NCOA7: variants seen among roughly 807,000 people sequenced by gnomAD.
NCOA7 encodes 140 kDa estrogen receptor-associated protein.
A neutral mutation model predicts 104.3 loss-of-function variants in NCOA7; 45 were observed. The observed-to-expected ratio is 0.43, with a 90% CI of 0.34 to 0.55. The LOEUF is 0.55. Ranked by LOEUF, NCOA7 falls within the 20% of genes least tolerant of loss-of-function variation. The probability of loss-of-function intolerance (pLI) is 0.02; values close to 1 mark genes in which losing one functional copy is unlikely to be tolerated. For synonymous variants in NCOA7, 398 were observed against 402.3 expected (o/e 0.99, Z 0.13); for missense variants, 1,041 against 1,119.7 (o/e 0.93, Z 1.00).
chr6:125,814,342 GAT>G (rs1211548867), intron 1 of NCOA7, among the ~76,000 whole-genome samples: 3 of 152,124 alleles, frequency 2.0e-5, no homozygotes, highest in Non-Finnish European at 4.4e-5. Context: ...TTTTGGTAGA[GAT>G]GTGGTTTCAC....
At chr6:125,870,268 C>T (rs1782783246) in intron 3 of NCOA7, among the ~76,000 whole-genome samples, 1 of 152,164 alleles carries the variant, frequency 6.6e-6, no homozygotes, top group South Asian at 2.1e-4. Context: ...TAGTAGATGA[C>T]CTTACCCCTA....
intron 10 of NCOA7, among the ~76,000 whole-genome samples, chr6:125,900,508 GAT>G (rs1785409082): frequency 6.6e-6 from 1 of 152,148 alleles, no homozygotes; most frequent in African/African-American, 2.4e-5. Flanking sequence ...GCTTTATTGA[GAT>G]AGAGTTGACA....
At chr6:125,802,118 G>C (rs1297845569) in intron 1 of NCOA7, among the ~76,000 whole-genome samples, 3 of 152,058 alleles carry the variant, frequency 2.0e-5, no homozygotes, top group African/African-American at 7.3e-5. Context: ...GATATCTCAG[G>C]CCTTGGTAGA....
chr6:125,882,353 G>A lies in NCOA7; in HGVS notation c.574-73G>A, dbSNP rs1783910065. ...AATAGTATACTCACAGGGAATTTAT[G>A]GGGCTTGATTTATACACATAATTTG... On this transcript the variant is annotated intron_variant, in intron 6 of 15. Transcript: ENST00000392477. 2.7e-6 allele frequency: 4 copies of A among 1,482,864 alleles called. No homozygotes were observed. The East Asian group carries it at 6.9e-5, about 26-fold the overall frequency. 91.9% of individuals were successfully genotyped at this position (1,482,864 alleles called of 1,614,324 possible).
chr6:125,837,066 A>T (rs1300688926), intron 2 of NCOA7, among the ~76,000 whole-genome samples: 2 of 152,158 alleles, frequency 1.3e-5, no homozygotes, highest in Non-Finnish European at 2.9e-5. Flanking sequence ...AAATTAGATA[A>T]ATGTTGAGTG....
chr6:125,900,116 G>C (rs1004586038), intron 10 of NCOA7: 1 of 493,174 alleles, frequency 2.0e-6, no homozygotes, highest in Non-Finnish European at 4.3e-6. Context: ...GTTAATTATA[G>C]AGCTCCTTCT....
chr6:125,923,546 A>T (rs1249269284), intron 13 of NCOA7, among the ~76,000 whole-genome samples: 1 of 152,190 alleles, frequency 6.6e-6, no homozygotes, highest in Non-Finnish European at 1.5e-5. Flanking sequence ...TGAAAGGAAG[A>T]CATCATTCAC....
intron 10 of NCOA7, 66 bp from the exon 11 acceptor site, chr6:125,915,267 G>A (rs1786955535): frequency 1.1e-5 from 17 of 1,587,764 alleles, no homozygotes; most frequent in Non-Finnish European, 2.6e-6. Flanking sequence ...ATGTACTGAA[G>A]TCCACACTAG....
intron 1 of NCOA7, among the ~76,000 whole-genome samples, chr6:125,807,263 A>G (rs1776551169): frequency 6.6e-6 from 1 of 152,162 alleles, no homozygotes. Context: ...TCCTTTGACT[A>G]ATATTCTTAA....
chr6:125,853,163 T>C (rs1242988100), intron 2 of NCOA7, among the ~76,000 whole-genome samples: 3 of 152,138 alleles, frequency 2.0e-5, no homozygotes, highest in Non-Finnish European at 4.4e-5. Context: ...TTGTTCTCTT[T>C]CTTTTTTCTC....
Position 125,885,282 on chromosome 6 carries a change from G to A in NCOA7, c.823G>A (p.Val275Ile). The A allele has an allele frequency of 6.2e-7, 1 of 1,614,030 alleles. No homozygotes were observed. The highest frequency in any genetic ancestry group is 1.3e-5 in the African/African-American group (1 of 75,034). ...TGGTCTCATCTGCCCCATGGAAGAG[G>A]TTGTTTCCATTGCGCTCTACAATGA... ...EYGLICPMEE[V>I]VSIALYNDIS... The change falls in exon 8 of 16, where the codon GTT becomes ATT. Residue 275 changes from valine to isoleucine, a missense_variant. Physicochemically the swap from Val to Ile is conservative, Grantham distance 29. Coordinates refer to ENST00000392477, the MANE Select transcript of NCOA7 (RefSeq NM_181782.5).
intron 2 of NCOA7, among the ~76,000 whole-genome samples, chr6:125,818,209 T>C (rs1777782229): frequency 6.6e-6 from 1 of 152,158 alleles, no homozygotes; most frequent in South Asian, 2.1e-4. Flanking sequence ...GTGATTCCTG[T>C]AGTAAAGGTA....
intron 3 of NCOA7, among the ~76,000 whole-genome samples, chr6:125,856,564 G>C (rs1781576714): frequency 6.6e-6 from 1 of 152,122 alleles, no homozygotes; most frequent in South Asian, 2.1e-4. Context: ...GTGTTAGCCA[G>C]GATGGTCTCG....
chr6:125,906,296 G>A lies in NCOA7; in HGVS notation c.2097-9037G>A, dbSNP rs577045918. On this transcript the variant is annotated intron_variant, in intron 10 of 15. Coordinates refer to ENST00000392477, the MANE Select transcript of NCOA7 (RefSeq NM_181782.5). ...CACATTTTAAGAACAGTACAATAGA[G>A]AATCTTCCATTCCGAGAGGAGGCAG... 2.0e-5 allele frequency among the ~76,000 whole-genome samples: 3 copies of A among 152,282 alleles called. No homozygotes were observed. The South Asian group carries it at 6.2e-4, about 32-fold the overall frequency.
chr6:125,785,358 TC>T (rs766882724), intron 1 of NCOA7, among the ~76,000 whole-genome samples: 3 of 152,134 alleles, frequency 2.0e-5, no homozygotes, highest in Non-Finnish European at 4.4e-5. Context: ...ACTGGTGAGA[TC>T]TGAATAAGCT....
chr6:125,844,396 C>G (rs554233348), intron 2 of NCOA7, among the ~76,000 whole-genome samples: 2 of 152,192 alleles, frequency 1.3e-5, no homozygotes, highest in African/African-American at 4.8e-5. Flanking sequence ...AAAAAGAATG[C>G]ATGTCTCCAT....
chr6:125,928,344 TTA>T, intron 15 of NCOA7, 97 bp downstream of exon 15: 1 of 1,074,480 alleles, frequency 9.3e-7, no homozygotes, highest in Non-Finnish European at 1.4e-6. Context: ...CGGTGTCAGG[TTA>T]TTTTAGCTAG....
intron 2 of NCOA7, among the ~76,000 whole-genome samples, chr6:125,829,970 G>A (rs1779021672): frequency 1.3e-5 from 2 of 152,168 alleles, no homozygotes; most frequent in African/African-American, 2.4e-5. Context: ...TGGAGGTCGT[G>A]TGGGCTACCA....
chr6:125,811,247 G>A (rs1251082733), intron 1 of NCOA7, among the ~76,000 whole-genome samples: 1 of 152,054 alleles, frequency 6.6e-6, no homozygotes, highest in African/African-American at 2.4e-5. Context: ...GATTTGTATT[G>A]GTCTGCCATA....
Sources: allele counts gnomAD v4.1 joint callset (sites outside exome capture counted in the v4.1 genomes callset), GRCh38; gene constraint gnomAD v4.1.1; transcripts MANE v1.5; gene names NCBI Gene and HGNC (gene_info 2026-07-23, HGNC 2026-07-21).